Variants in BDH1 observed in about 807,000 individuals in gnomAD.
BDH1 encodes the protein 3-hydroxybutyrate dehydrogenase 1, also known as D-beta-hydroxybutyrate dehydrogenase, mitochondrial.
BDH1 carries 30 observed loss-of-function variants against 33.1 expected under a neutral mutation model. The observed-to-expected ratio is 0.91, with a 90% CI of 0.68 to 1.23. The LOEUF (loss-of-function observed/expected upper bound fraction) is 1.23, where lower values mean the gene tolerates loss of function less well. Among genes scored for constraint, BDH1 ranks in the 50% most tolerant of loss-of-function variants. The pLI is 0.00. For synonymous variants in BDH1, 190 were observed against 183.6 expected (o/e 1.03, Z -0.28); for missense variants, 443 against 464.4 (o/e 0.95, Z 0.42).
Position 197,523,702 on chromosome 3 carries a change from C to T in BDH1, c.268-921G>A, listed in dbSNP as rs555126488. Among the ~76,000 whole-genome samples, 1 of 152,170 alleles carries T rather than the reference C, an allele frequency of 6.6e-6. No homozygotes were observed. The highest frequency in any genetic ancestry group is 1.9e-4 in the East Asian group (1 of 5,172). On this transcript the variant is annotated intron_variant, in intron 5 of 7. Transcript: ENST00000392379. The surrounding 1 kb of genome is among the most constrained non-coding windows in gnomAD (Gnocchi z 4.5). ...GGAAGGAGACAGGTGAGCACGTAAG[C>T]GACACAGTGACTGTGTGCTGTATGG... is the stretch of plus-strand genomic sequence containing the variant.
At chr3:197,540,391 C>T (rs530655243) in intron 3 of BDH1, among the ~76,000 whole-genome samples, 4 of 146,330 alleles carry the variant, frequency 2.7e-5, no homozygotes, top group Non-Finnish European at 4.5e-5. Flanking sequence ...AGGTTGTGGC[C>T]GGGAGCGGTG....
intron 1 of BDH1, among the ~76,000 whole-genome samples, chr3:197,555,157 G>A (rs928613805): frequency 6.6e-6 from 1 of 152,270 alleles, no homozygotes; most frequent in South Asian, 2.1e-4. Context: ...CGGCCCTGTG[G>A]CCTGCCTGCT....
chr3:197,548,090 T>C (rs1446165437), intron 2 of BDH1, among the ~76,000 whole-genome samples: 4 of 152,140 alleles, frequency 2.6e-5, no homozygotes, highest in African/African-American at 9.7e-5. Flanking sequence ...GCACTCTGAG[T>C]CCCTGGGGAG....
intron 3 of BDH1, chr3:197,538,510 C>G: frequency 5.3e-6 from 2 of 380,584 alleles, no homozygotes; most frequent in South Asian, 3.9e-5. Context: ...CATCACCACA[C>G]CTGGCCAATT....
Position 197,528,110 on chromosome 3 carries a change from G to A in BDH1, c.267+4302C>T, listed in dbSNP as rs1035408544. Among the ~76,000 whole-genome samples the A allele has an allele frequency of 1.4e-4, 21 of 152,160 alleles. No homozygotes were observed. The highest frequency in any genetic ancestry group is 3.3e-4 in the Admixed American group (5 of 15,282). On this transcript the variant is annotated intron_variant, in intron 5 of 7. Coordinates refer to ENST00000392379, the MANE Select transcript of BDH1 (RefSeq NM_203314.3). This position sits in a 1 kb window ranked among gnomAD's most constrained non-coding sequence, Gnocchi z 5.1. Reference sequence around the variant, plus strand: ...TGCTGTATCTCCAACAGGGAACACTGTCAGCTTATCTTAGGTGCTCAGTAA... The same window carrying A: ...TGCTGTATCTCCAACAGGGAACACTATCAGCTTATCTTAGGTGCTCAGTAA...
intron 6 of BDH1, among the ~76,000 whole-genome samples, chr3:197,519,895 C>G (rs547654264): frequency 1.3e-5 from 2 of 152,108 alleles, no homozygotes; most frequent in Non-Finnish European, 2.9e-5. Context: ...TCCTTCATCT[C>G]GCCCCCGTGG....
At chr3:197,558,204 G>A (rs1007434931), upstream of BDH1, among the ~76,000 whole-genome samples, 2 of 152,182 alleles carry the variant, frequency 1.3e-5, no homozygotes, top group African/African-American at 4.8e-5. Context: ...TGTAACCTGA[G>A]AGCACCTTGC....
chr3:197,552,787 T>G (rs1579997126), intron 2 of BDH1, among the ~76,000 whole-genome samples: 1 of 152,348 alleles, frequency 6.6e-6, no homozygotes, highest in East Asian at 1.9e-4. Context: ...GTTGTACATA[T>G]TTATCTTGTT....
intron 3 of BDH1, among the ~76,000 whole-genome samples, chr3:197,535,278 T>C (rs774251014): frequency 4.6e-5 from 7 of 152,264 alleles, no homozygotes; most frequent in Non-Finnish European, 1.0e-4. Context: ...TTCTACCCCG[T>C]TGAATGTTGA....
Position 197,514,239 on chromosome 3 carries a change from G to C in BDH1, c.562+25C>G, listed in dbSNP as rs1712429699. The C allele has an allele frequency of 1.9e-6, 3 of 1,600,340 alleles. No individual in the cohort carries two copies. Among genetic ancestry groups the C allele is most frequent in the Non-Finnish European group, 2.6e-6 (3 of 1,171,264 alleles). ...AACACGTGGGGCAGGTTCAGGGGCA[G>C]GAGGGAGCTCCCTTTCCCACTCACC... On this transcript the variant is annotated intron_variant, in intron 7 of 7. Transcript: ENST00000392379. The surrounding 1 kb of genome is among the most constrained non-coding windows in gnomAD (Gnocchi z 4.2).
At position 197,511,131 on chromosome 3, in the gene BDH1, G is replaced by A. The variant is rs955850250; in HGVS notation, c.*764C>T. On this transcript the variant is annotated 3_prime_UTR_variant, in exon 8 of 8. Coordinates refer to ENST00000392379, the MANE Select transcript of BDH1 (RefSeq NM_203314.3). ...AACCCCAGCTACTTGGAAGGCTGAG[G>A]CAGGAGAACCGCTTGAACCAGGGAG... 2 of 152,512 alleles carry A rather than the reference G, an allele frequency of 1.3e-5. No homozygotes were observed. The highest frequency in any genetic ancestry group is 2.1e-4 in the South Asian group (1 of 4,826). The allele number at this position is 152,512 out of a possible 1,614,324, so 9.4% of individuals were successfully genotyped here.
chr3:197,538,969 A>T (rs1560327930), intron 3 of BDH1: 1 of 152,326 alleles, frequency 6.6e-6, no homozygotes, highest in Non-Finnish European at 1.5e-5. Flanking sequence ...AAAGAATGAG[A>T]AGGTGTCATT....
chr3:197,543,744 G>A (rs977685778), intron 3 of BDH1, among the ~76,000 whole-genome samples: 6 of 152,162 alleles, frequency 3.9e-5, no homozygotes, highest in Non-Finnish European at 7.3e-5. Flanking sequence ...ACCATTCAGC[G>A]GGGAGACCTG....
rs916750931 is a variant in BDH1, at chr3:197,514,987, T to C, written c.410-571A>G. On this transcript the variant is annotated intron_variant, in intron 6 of 7. Coordinates refer to ENST00000392379, the MANE Select transcript of BDH1 (RefSeq NM_203314.3). The surrounding 1 kb of genome is among the most constrained non-coding windows in gnomAD (Gnocchi z 4.2). ...ACAGAGCTGGGCCCTGCCTCTTTGT[T>C]GTGGAAACCCTCAGTGTTTGGTCTC... Among the ~76,000 whole-genome samples, 3 of 152,192 alleles carry C rather than the reference T, an allele frequency of 2.0e-5. No individual in the cohort carries two copies. Among genetic ancestry groups the C allele is most frequent in the African/African-American group, 7.2e-5 (3 of 41,448 alleles).
At chr3:197,567,247 A>G (rs545379033) in intron 1 of BDH1, among the ~76,000 whole-genome samples, 2 of 152,318 alleles carry the variant, frequency 1.3e-5, no homozygotes, top group Non-Finnish European at 2.9e-5. Flanking sequence ...TTTTAAAAAG[A>G]AAAGGAGGGA....
chr3:197,551,988 A>G (rs1716612615), intron 2 of BDH1, among the ~76,000 whole-genome samples: 2 of 152,192 alleles, frequency 1.3e-5, no homozygotes, highest in South Asian at 2.1e-4. Context: ...ACGAGCACTC[A>G]TAGCTTTAAA....
intron 3 of BDH1, among the ~76,000 whole-genome samples, chr3:197,535,596 C>T (rs1244386967): frequency 1.3e-5 from 2 of 152,186 alleles, no homozygotes; most frequent in African/African-American, 4.8e-5. Context: ...ATAGAGCTAA[C>T]TAGTGAAACC....
In BDH1 at chr3:197,521,026, GACAGC is replaced by G. The variant is rs906862610; in HGVS notation, c.409+1609_409+1613del. Among the ~76,000 whole-genome samples, 1 of 152,156 alleles carries G rather than the reference GACAGC, an allele frequency of 6.6e-6. No individual in the cohort carries two copies. The highest frequency in any genetic ancestry group is 1.5e-5 in the Non-Finnish European group (1 of 68,022). ...AGCCTCTGAGGCAGCTGCTGTGACA[GACAGC>G]ACATCCATCTGGCTGATACAGGCTC... On this transcript the variant is annotated intron_variant, in intron 6 of 7. Transcript: ENST00000392379. This position sits in a 1 kb window ranked among gnomAD's most constrained non-coding sequence, Gnocchi z 4.9.
chr3:197,533,582 G>GT (rs767314656), intron 3 of BDH1, 21 bp from the exon 4 acceptor site: 23 of 1,612,398 alleles, frequency 1.4e-5, no homozygotes, highest in Admixed American at 5.0e-5. Flanking sequence ...AAAGGAAGCC[G>GT]TGAGTACAAG....
Sources: gnomAD v4.1 joint callset for allele counts (sites outside exome capture counted in the v4.1 genomes callset) on GRCh38, gnomAD v4.1.1 for gene constraint, Gnocchi (gnomAD v3.1) non-coding constraint, MANE v1.5 for transcripts, NCBI Gene and HGNC (gene_info 2026-07-23, HGNC 2026-07-21) for gene names.